Variants in GRIN2B observed in about 807,000 individuals in gnomAD.
GRIN2B encodes glutamate receptor ionotropic, NMDA 2B.
In GRIN2B, 5 loss-of-function variants were observed where a neutral mutation model predicts 114.5. The ratio of observed to expected loss-of-function variants is 0.04; its 90% CI spans 0.02 to 0.09. GRIN2B has a LOEUF of 0.09. Among genes scored for constraint, GRIN2B ranks in the 10% least tolerant of loss-of-function variants. The probability of loss-of-function intolerance (pLI) is 1.00; values close to 1 mark genes in which losing one functional copy is unlikely to be tolerated. For synonymous variants in GRIN2B, 787 were observed against 745.1 expected (o/e 1.06, Z -0.92); for missense variants, 1,108 against 1,943.5 (o/e 0.57, Z 8.08).
intron 4 of GRIN2B, among the ~76,000 whole-genome samples, chr12:13,694,653 T>A (rs1950242903): frequency 1.3e-5 from 1 of 74,126 alleles, no homozygotes; most frequent in Admixed American, 1.6e-4. Flanking sequence ...TGCAAGAAAA[T>A]GTCATATATA....
At chr12:13,943,019 G>C (rs567258348) in intron 2 of GRIN2B, among the ~76,000 whole-genome samples, 11 of 152,234 alleles carry the variant, frequency 7.2e-5, no homozygotes, top group African/African-American at 2.6e-4. Context: ...TTTAGCAGCA[G>C]GTGGTATGGG....
At chr12:13,663,399 A>G (rs1949943618) in intron 5 of GRIN2B, among the ~76,000 whole-genome samples, 1 of 152,144 alleles carries the variant, frequency 6.6e-6, no homozygotes, top group Non-Finnish European at 1.5e-5. Flanking sequence ...GTGAAACAAC[A>G]CCCAAGTAGA....
intron 3 of GRIN2B, among the ~76,000 whole-genome samples, chr12:13,785,055 T>C (rs185168076): frequency 1.7e-3 from 255 of 152,382 alleles, no homozygotes; most frequent in African/African-American, 5.8e-3. Flanking sequence ...TTACTAACCT[T>C]GTTTTTAAAT....
rs539436820 is a variant in GRIN2B at position 13,638,381 on chromosome 12, C to G, written c.1126-21724G>C. On this transcript the variant is annotated intron_variant, in intron 5 of 13. Coordinates refer to ENST00000609686, the MANE Select transcript of GRIN2B (RefSeq NM_000834.5). Reference sequence around the variant, plus strand: ...GTTTTTGCAAGAAGTAAACCAAAACCAAGACATGTCCACGTGAATGCATAA... The same window carrying G: ...GTTTTTGCAAGAAGTAAACCAAAACGAAGACATGTCCACGTGAATGCATAA... Among the ~76,000 whole-genome samples, 6 of 152,080 alleles carry G rather than the reference C, an allele frequency of 3.9e-5. No homozygotes were observed. The East Asian group carries it at 1.2e-3, about 29-fold the overall frequency.
chr12:13,763,158 GCA>G (rs1863713366), intron 3 of GRIN2B, among the ~76,000 whole-genome samples: 2 of 151,980 alleles, frequency 1.3e-5, no homozygotes, highest in African/African-American at 4.8e-5. Context: ...GTCAGCACCT[GCA>G]TGTCCCAGCT....
chr12:13,947,259 G>T (rs1558907), intron 2 of GRIN2B, among the ~76,000 whole-genome samples: 10,447 of 152,218 alleles, frequency 0.069, 983 homozygotes, highest in East Asian at 0.4. Context: ...CCATGAGGTT[G>T]CACGTATGTA....
chr12:13,779,402 A>C (rs1338530384), intron 3 of GRIN2B, among the ~76,000 whole-genome samples: 2 of 152,168 alleles, frequency 1.3e-5, no homozygotes, highest in East Asian at 3.8e-4. Flanking sequence ...GTATTTTGCC[A>C]AACAGCAATC....
At position 13,698,979 on chromosome 12, in the gene GRIN2B, G is replaced by A. The variant is rs926679211; in HGVS notation, c.1011-23120C>T. On this transcript the variant is annotated intron_variant, in intron 4 of 13. Transcript: ENST00000609686. ...ATTACAGGCGTGAGCCACCGCACCCGGCCAAATCAAAATTATTATTATAAC... is the reference window on the plus strand; with the variant it reads ...ATTACAGGCGTGAGCCACCGCACCCAGCCAAATCAAAATTATTATTATAAC... 9.9e-5 allele frequency among the ~76,000 whole-genome samples: 15 copies of A among 152,146 alleles called. No homozygotes were observed. In the South Asian group the frequency reaches 1.7e-3, roughly 17 times the overall value.
At chr12:13,629,305 T>TC (rs1949598445) in intron 5 of GRIN2B, among the ~76,000 whole-genome samples, 1 of 152,218 alleles carries the variant, frequency 6.6e-6, no homozygotes, top group Non-Finnish European at 1.5e-5. Flanking sequence ...AACTAGGATA[T>TC]CCAAGGTCAT....
chr12:13,574,524 A>T (rs548669789), intron 10 of GRIN2B, among the ~76,000 whole-genome samples: 1 of 152,178 alleles, frequency 6.6e-6, no homozygotes, highest in African/African-American at 2.4e-5. Context: ...GGTATAAATT[A>T]TTACACTTTA....
At chr12:13,764,455 A>T (rs1863740183) in intron 3 of GRIN2B, among the ~76,000 whole-genome samples, 1 of 152,130 alleles carries the variant, frequency 6.6e-6, no homozygotes, top group African/African-American at 2.4e-5. Context: ...ACCGGCTAAC[A>T]CCGTTGGCCC....
At chr12:13,873,104 T>C (rs1215645398) in intron 2 of GRIN2B, among the ~76,000 whole-genome samples, 1 of 152,246 alleles carries the variant, frequency 6.6e-6, no homozygotes, top group Non-Finnish European at 1.5e-5. Flanking sequence ...TATGGTTGAC[T>C]CAATTCTGCA....
At chr12:13,687,004 T>G (rs1950178929) in intron 4 of GRIN2B, among the ~76,000 whole-genome samples, 2 of 152,038 alleles carry the variant, frequency 1.3e-5, no homozygotes, top group Admixed American at 1.3e-4. Flanking sequence ...CGACCTTGCT[T>G]CTTCTCTCAC....
intron 5 of GRIN2B, among the ~76,000 whole-genome samples, chr12:13,652,601 T>C (rs1591659806): frequency 6.6e-6 from 1 of 152,006 alleles, no homozygotes; most frequent in Non-Finnish European, 1.5e-5. Context: ...TGCATGGGTA[T>C]AAGTTAAGAA....
chr12:13,634,453 T>A (rs909556173), intron 5 of GRIN2B, among the ~76,000 whole-genome samples: 1 of 152,168 alleles, frequency 6.6e-6, no homozygotes, highest in Non-Finnish European at 1.5e-5. Flanking sequence ...CCCAAGCCAA[T>A]GGAGACTCTG....
chr12:13,864,866 T>A (rs1317736677), intron 3 of GRIN2B, among the ~76,000 whole-genome samples: 1 of 152,142 alleles, frequency 6.6e-6, no homozygotes, highest in African/African-American at 2.4e-5. Flanking sequence ...CCCAGGCCAA[T>A]AATCAGAATC....
At chr12:13,938,132 A>G (rs1463144424) in intron 2 of GRIN2B, among the ~76,000 whole-genome samples, 2 of 152,144 alleles carry the variant, frequency 1.3e-5, no homozygotes, top group Non-Finnish European at 2.9e-5. Flanking sequence ...TTTACCCCAA[A>G]GAAGGCGGGA....
chr12:13,791,937 A>G (rs1484065892), intron 3 of GRIN2B, among the ~76,000 whole-genome samples: 14 of 152,300 alleles, frequency 9.2e-5, no homozygotes, highest in South Asian at 8.3e-4. Context: ...GTACCCAATA[A>G]TTATCTTCTC....
chr12:13,703,552 T>C (rs898725359), intron 4 of GRIN2B, among the ~76,000 whole-genome samples: 4 of 152,180 alleles, frequency 2.6e-5, no homozygotes, highest in Admixed American at 2.6e-4. Flanking sequence ...TGCTGTAATG[T>C]TTTATTTTCA....
Sources: allele counts gnomAD v4.1 joint callset (sites outside exome capture counted in the v4.1 genomes callset), GRCh38; gene constraint gnomAD v4.1.1; transcripts MANE v1.5; gene names NCBI Gene and HGNC (gene_info 2026-07-23, HGNC 2026-07-21).